The following GRIP1 variants were observed in gnomAD, a reference collection of about 807,000 sequenced individuals.
GRIP1 encodes glutamate receptor interacting protein 1, also known as glutamate receptor-interacting protein 1.
A neutral mutation model predicts 129.9 loss-of-function variants in GRIP1; 45 were observed. That is an observed-to-expected ratio of 0.35 (90% CI 0.27 to 0.44). The LOEUF (loss-of-function observed/expected upper bound fraction) is 0.44. Among genes scored for constraint, GRIP1 ranks in the 20% least tolerant of loss-of-function variants. The pLI, the probability that GRIP1 is intolerant of heterozygous loss-of-function variation, is 1.00. For synonymous variants in GRIP1, 530 were observed against 520.8 expected (o/e 1.02, Z -0.24); for missense variants, 1,196 against 1,396.8 (o/e 0.86, Z 2.29).
chr12:66,935,247 T>C (rs1047490084), intron 1 of GRIP1, among the ~76,000 whole-genome samples: 2 of 152,188 alleles, frequency 1.3e-5, no homozygotes, highest in Admixed American at 6.5e-5. Context: ...ATAAATAATG[T>C]GTCTGGTCCT....
chr12:66,437,652 TACAC>T (rs1038385277), intron 13 of GRIP1, among the ~76,000 whole-genome samples: 20 of 152,190 alleles, frequency 1.3e-4, no homozygotes, highest in African/African-American at 2.4e-5. Context: ...AATATTAAAA[TACAC>T]ACATATATAT....
At chr12:66,467,063 T>C (rs921916113) in intron 7 of GRIP1, among the ~76,000 whole-genome samples, 1 of 152,238 alleles carries the variant, frequency 6.6e-6, no homozygotes, top group African/African-American at 2.4e-5. Flanking sequence ...GATTCTTGTA[T>C]GTATTAACAC....
intron 19 of GRIP1, among the ~76,000 whole-genome samples, chr12:66,391,632 G>T (rs569546847): frequency 5.3e-5 from 8 of 152,302 alleles, no homozygotes; most frequent in Non-Finnish European, 8.8e-5. Context: ...TGGGAGGATT[G>T]CTGGAGGCCA....
intron 1 of GRIP1, among the ~76,000 whole-genome samples, chr12:67,061,409 C>T (rs185521072): frequency 6.8e-4 from 103 of 152,256 alleles, no homozygotes; most frequent in Admixed American, 3.5e-3. Context: ...TCAAGATGGT[C>T]GGTCTATACC....
At chr12:66,959,396 A>C (rs937585719) in intron 1 of GRIP1, among the ~76,000 whole-genome samples, 1 of 152,214 alleles carries the variant, frequency 6.6e-6, no homozygotes, top group Non-Finnish European at 1.5e-5. Context: ...AATCTAAAAA[A>C]AAAGCGGGTG....
At chr12:66,804,155 T>C (rs776672945) in exon 1 of GRIP1, 2 of 455,932 alleles carry the variant, frequency 4.4e-6, no homozygotes, top group East Asian at 7.0e-5. Context: ...GATCTTCTTA[T>C]CGCCTTGACA....
At chr12:66,602,322 T>A (rs1160182742) in intron 1 of GRIP1, among the ~76,000 whole-genome samples, 1 of 152,202 alleles carries the variant, frequency 6.6e-6, no homozygotes, top group Admixed American at 6.5e-5. Context: ...CTGTTAAGGC[T>A]TTTTGACAAC....
At chr12:66,756,774 A>G (rs1050347463) in intron 1 of GRIP1, among the ~76,000 whole-genome samples, 4 of 152,210 alleles carry the variant, frequency 2.6e-5, no homozygotes, top group Non-Finnish European at 5.9e-5. Context: ...ATGACAACTG[A>G]GAATGTCAAG....
At chr12:66,451,383 G>GTTTGTTTTTTTTT (rs2058794233) in intron 11 of GRIP1, among the ~76,000 whole-genome samples, 4 of 42,650 alleles carry the variant, frequency 9.4e-5, no homozygotes, top group Admixed American at 3.2e-4. Context: ...ATTATAATCT[G>GTTTGTTTTTTTTT]TTTTTTTTTT....
chr12:66,495,682 C>T (rs963654514), intron 7 of GRIP1, among the ~76,000 whole-genome samples: 1 of 151,892 alleles, frequency 6.6e-6, no homozygotes, highest in Admixed American at 6.6e-5. Flanking sequence ...GAGAATTCTG[C>T]GGGAAAGGCT....
intron 1 of GRIP1, among the ~76,000 whole-genome samples, chr12:66,598,882 T>C (rs953363550): frequency 1.9e-4 from 29 of 152,160 alleles, no homozygotes; most frequent in Non-Finnish European, 4.4e-5. Flanking sequence ...GAATCCAGTG[T>C]TGGATTTTTA....
chr12:66,442,016 C>T (rs533806942), intron 13 of GRIP1, among the ~76,000 whole-genome samples: 1 of 152,318 alleles, frequency 6.6e-6, no homozygotes, highest in Admixed American at 6.5e-5. Flanking sequence ...AAGCCACTAT[C>T]ATGCCTTACG....
chr12:67,004,484 T>C (rs1228038614), intron 1 of GRIP1, among the ~76,000 whole-genome samples: 1 of 152,090 alleles, frequency 6.6e-6, no homozygotes, highest in African/African-American at 2.4e-5. Context: ...CAGAACTTGA[T>C]GAAGACCTAG....
intron 9 of GRIP1, among the ~76,000 whole-genome samples, chr12:66,458,557 G>T (rs895610720): frequency 6.6e-6 from 1 of 152,098 alleles, no homozygotes; most frequent in African/African-American, 2.4e-5. Flanking sequence ...GCTAATTTTT[G>T]TATTTTTGGT....
rs1426165771 is a variant in GRIP1 at position 66,736,441 on chromosome 12, A to G, written c.-420+67612T>C. Among the ~76,000 whole-genome samples the G allele has an allele frequency of 2.1e-5, 3 of 140,858 alleles. No homozygotes were observed. In the East Asian group the frequency reaches 6.4e-4, roughly 30 times the overall value. 92.4% of individuals were successfully genotyped at this position (140,858 alleles called of 152,430 possible). ...TTCTAGGTTGGTCTCAAACTCTGCA[A>G]TTAACATATTTTTGTATAAGTATTA... On this transcript the variant is annotated intron_variant, in intron 1 of 4. Coordinates refer to the GRIP1 transcript ENST00000538373.
chr12:66,531,251 AAATATAT>A (rs2061444669), intron 4 of GRIP1, among the ~76,000 whole-genome samples: 7 of 39,780 alleles, frequency 1.8e-4, no homozygotes, highest in South Asian at 1.1e-3. Flanking sequence ...AAAAAAAAAA[AAATATAT>A]ATATATATAT....
chr12:66,416,531 AAGG>A (rs942118213), intron 15 of GRIP1, among the ~76,000 whole-genome samples: 3 of 152,324 alleles, frequency 2.0e-5, no homozygotes, highest in African/African-American at 7.2e-5. Context: ...AAAATAAAAA[AAGG>A]AGAAGACCCA....
chr12:66,884,497 A>G (rs1311674683), intron 1 of GRIP1, among the ~76,000 whole-genome samples: 2 of 152,224 alleles, frequency 1.3e-5, no homozygotes, highest in African/African-American at 2.4e-5. Context: ...TGTAAAGGAA[A>G]GCAACTTCCT....
chr12:66,411,389 C>T (rs2057397154), intron 15 of GRIP1, among the ~76,000 whole-genome samples: 1 of 152,032 alleles, frequency 6.6e-6, no homozygotes, highest in African/African-American at 2.4e-5. Context: ...CAGAAGGGGG[C>T]CTGACTGTTA....
Sources: allele counts gnomAD v4.1 joint callset (sites outside exome capture counted in the v4.1 genomes callset), GRCh38; gene constraint gnomAD v4.1.1; transcripts MANE v1.5; gene names NCBI Gene and HGNC (gene_info 2026-07-23, HGNC 2026-07-21).